PSD3: variants seen among roughly 807,000 people sequenced by gnomAD.
The protein encoded by PSD3 is pleckstrin and Sec7 domain containing 3.
In PSD3, 49 loss-of-function variants were observed where a neutral mutation model predicts 105.5. The ratio of observed to expected loss-of-function variants is 0.46; its 90% CI spans 0.37 to 0.59. The LOEUF is 0.59. PSD3 is among the 20% of genes least tolerant of loss of function. PSD3 has a pLI of 0.00. For missense variants in PSD3, 1,561 were observed against 1,263.8 expected, an observed-to-expected ratio of 1.24 and a Z score of -3.57; for synonymous variants, 557 against 457.8, an observed-to-expected ratio of 1.22 and a Z score of -2.77.
intron 9 of PSD3, among the ~76,000 whole-genome samples, chr8:18,751,033 G>A (rs532006935): frequency 1.5e-4 from 23 of 152,260 alleles, no homozygotes; most frequent in Non-Finnish European, 3.1e-4. Context: ...AGTCCTGCGC[G>A]ATGCGCTCAC....
At chr8:18,925,993 A>T (rs1821336809) in intron 2 of PSD3, among the ~76,000 whole-genome samples, 1 of 152,218 alleles carries the variant, frequency 6.6e-6, no homozygotes, top group African/African-American at 2.4e-5. Flanking sequence ...GAAGACGGAA[A>T]GCCTACCGTT....
At chr8:18,838,246 C>T (rs6982585) in intron 4 of PSD3, among the ~76,000 whole-genome samples, 73,477 of 151,966 alleles carry the variant, frequency 0.48, 17,961 homozygotes, top group South Asian at 0.5. Flanking sequence ...TCATGTAGAG[C>T]GATGGCTTTA....
chr8:18,868,752 C>G (rs757707018), intron 3 of PSD3, among the ~76,000 whole-genome samples: 3 of 152,138 alleles, frequency 2.0e-5, no homozygotes, highest in Non-Finnish European at 4.4e-5. Flanking sequence ...AATTAATATG[C>G]AGCATGTTCT....
At chr8:18,654,121 A>C (rs1248651057) in intron 10 of PSD3, among the ~76,000 whole-genome samples, 1 of 152,216 alleles carries the variant, frequency 6.6e-6, no homozygotes, top group Non-Finnish European at 1.5e-5. Flanking sequence ...TCATGAATAT[A>C]CATACAGACA....
chr8:18,837,734 T>C (rs1814234170), intron 4 of PSD3, among the ~76,000 whole-genome samples: 1 of 151,826 alleles, frequency 6.6e-6, no homozygotes, highest in South Asian at 2.1e-4. Flanking sequence ...AGCCCAGGAG[T>C]TCCAAACCAG....
intron 11 of PSD3, among the ~76,000 whole-genome samples, chr8:18,614,468 A>T (rs1585392336): frequency 6.6e-6 from 1 of 152,008 alleles, no homozygotes; most frequent in Non-Finnish European, 1.5e-5. Flanking sequence ...TTAAAGAGAA[A>T]AGAGGAGGTA....
chr8:18,841,509 ACACT>A (rs1209111079), intron 4 of PSD3, among the ~76,000 whole-genome samples: 9 of 147,506 alleles, frequency 6.1e-5, no homozygotes, highest in Non-Finnish European at 3.0e-5. Flanking sequence ...CTGAATTTAA[ACACT>A]CACTAGCATG....
At chr8:18,984,445 C>T (rs1825397272) in intron 1 of PSD3, among the ~76,000 whole-genome samples, 1 of 151,900 alleles carries the variant, frequency 6.6e-6, no homozygotes, top group African/African-American at 2.4e-5. Flanking sequence ...AAACAATCAA[C>T]CAGAATTATT....
At chr8:18,817,261 C>CTT (rs950242628) in intron 4 of PSD3, among the ~76,000 whole-genome samples, 4 of 152,210 alleles carry the variant, frequency 2.6e-5, no homozygotes, top group African/African-American at 9.6e-5. Flanking sequence ...CATATATGTA[C>CTT]TTTAGACACA....
rs191867990 is a variant in PSD3, at chr8:18,979,744, G to A, written c.21+33819C>T. The A allele has an allele frequency of 8.3e-3, 1,525 of 184,344 alleles. 10 individuals are homozygous for A. Among genetic ancestry groups the A allele is most frequent in the Non-Finnish European group, 0.011 (955 of 85,020 alleles). The allele number at this position is 184,344 out of a possible 1,614,324, so 11.4% of individuals were successfully genotyped here. A position where few individuals can be genotyped will look rare whatever the true frequency, so the allele number is the denominator to read the frequency against. On this transcript the variant is annotated intron_variant, in intron 1 of 15. Transcript: ENST00000327040. ...CACAAGAGTCTCTGGCCCAATGAGA[G>A]GAGTTTAATAGAAATTCTTGCTACA...
At chr8:18,970,869 C>T (rs1824607344) in intron 1 of PSD3, among the ~76,000 whole-genome samples, 1 of 151,708 alleles carries the variant, frequency 6.6e-6, no homozygotes, top group Non-Finnish European at 1.5e-5. Flanking sequence ...GTCCCAACTA[C>T]TTGGGAGGCT....
At chr8:18,681,696 A>G (rs1282904431) in intron 9 of PSD3, among the ~76,000 whole-genome samples, 2 of 152,060 alleles carry the variant, frequency 1.3e-5, no homozygotes. Context: ...CATTTAGGGA[A>G]TATAAATGGC....
chr8:18,814,932 C>A (rs1411500741), intron 4 of PSD3, among the ~76,000 whole-genome samples: 4 of 152,154 alleles, frequency 2.6e-5, no homozygotes, highest in African/African-American at 9.7e-5. Context: ...AGTAGACATG[C>A]CTTATGTGGA....
chr8:18,886,096 G>A (rs959476488), intron 2 of PSD3, among the ~76,000 whole-genome samples: 9 of 152,034 alleles, frequency 5.9e-5, no homozygotes, highest in Non-Finnish European at 1.2e-4. Flanking sequence ...AAAACTGGAG[G>A]GGTAGCCTGT....
At chr8:18,815,609 C>T (rs1293213588) in intron 4 of PSD3, among the ~76,000 whole-genome samples, 3 of 152,148 alleles carry the variant, frequency 2.0e-5, no homozygotes, top group Non-Finnish European at 2.9e-5. Flanking sequence ...CTGCGTCCAG[C>T]CCCTTTCTTC....
chr8:18,749,237 C>A (rs975453086), intron 9 of PSD3, among the ~76,000 whole-genome samples: 2 of 152,138 alleles, frequency 1.3e-5, no homozygotes, highest in African/African-American at 4.8e-5. Context: ...CACACGTTAT[C>A]ATCCTTCCTG....
intron 11 of PSD3, among the ~76,000 whole-genome samples, chr8:18,627,128 T>G (rs542796401): frequency 2.6e-5 from 4 of 152,212 alleles, no homozygotes; most frequent in Admixed American, 2.6e-4. Context: ...GGATTATAAT[T>G]CTGAAGAGAA....
chr8:18,723,864 G>A (rs779247019), intron 9 of PSD3, among the ~76,000 whole-genome samples: 3 of 152,082 alleles, frequency 2.0e-5, no homozygotes, highest in Non-Finnish European at 4.4e-5. Flanking sequence ...ATCATTTATT[G>A]ATTTTAAATC....
chr8:18,896,552 T>C (rs1819162100), intron 2 of PSD3, among the ~76,000 whole-genome samples: 1 of 152,134 alleles, frequency 6.6e-6, no homozygotes, highest in Non-Finnish European at 1.5e-5. Flanking sequence ...TAGCAGGGAC[T>C]ACAGGCACAC....
Sources: allele counts gnomAD v4.1 joint callset (sites outside exome capture counted in the v4.1 genomes callset), GRCh38; gene constraint gnomAD v4.1.1; transcripts MANE v1.5; gene names NCBI Gene and HGNC (gene_info 2026-07-23, HGNC 2026-07-21).